The following CPQ variants were observed in gnomAD, a reference collection of about 807,000 sequenced individuals.
CPQ encodes Ser-Met dipeptidase.
Under a neutral mutation model 45.7 loss-of-function variants are expected in CPQ, and 37 were observed. The ratio of observed to expected loss-of-function variants is 0.81; its 90% CI spans 0.62 to 1.07. The LOEUF is 1.07. CPQ is among the 50% of genes least tolerant of loss of function. The pLI, the probability that CPQ is intolerant of heterozygous loss-of-function variation, is 0.00. For missense variants in CPQ, 537 were observed against 572.9 expected, an observed-to-expected ratio of 0.94 and a Z score of 0.64; for synonymous variants, 186 against 205.8, an observed-to-expected ratio of 0.90 and a Z score of 0.82.
chr8:96,788,170 T>G (rs1368505375), intron 2 of CPQ, among the ~76,000 whole-genome samples: 1 of 151,740 alleles, frequency 6.6e-6, no homozygotes, highest in Non-Finnish European at 1.5e-5. Flanking sequence ...TTCCTTTTTT[T>G]TTTTTGAGAT....
intron 1 of CPQ, among the ~76,000 whole-genome samples, chr8:96,699,106 A>G (rs957052808): frequency 1.3e-5 from 2 of 152,232 alleles, no homozygotes; most frequent in African/African-American, 2.4e-5. Flanking sequence ...AGATGAATGG[A>G]TAAAGAAAAT....
At chr8:97,052,616 T>C (rs571390614) in intron 6 of CPQ, among the ~76,000 whole-genome samples, 39 of 152,282 alleles carry the variant, frequency 2.6e-4, no homozygotes, top group African/African-American at 8.2e-4. Flanking sequence ...CCAAGTTATT[T>C]TGGTGAGTCT....
chr8:96,660,963 C>A (rs954347225), intron 1 of CPQ, among the ~76,000 whole-genome samples: 1 of 152,040 alleles, frequency 6.6e-6, no homozygotes, highest in Non-Finnish European at 1.5e-5. Context: ...ATATGATAGT[C>A]ATTTGCCTTC....
intron 5 of CPQ, among the ~76,000 whole-genome samples, chr8:96,997,126 G>A (rs1809192547): frequency 6.6e-6 from 1 of 151,922 alleles, no homozygotes; most frequent in Admixed American, 6.6e-5. Context: ...TTCTCCCAGA[G>A]ATACCTCAAT....
intron 7 of CPQ, among the ~76,000 whole-genome samples, chr8:97,141,229 C>G (rs1310291590): frequency 6.6e-6 from 1 of 152,006 alleles, no homozygotes; most frequent in Non-Finnish European, 1.5e-5. Flanking sequence ...CATCAAAACA[C>G]ACACTAAACA....
intron 3 of CPQ, among the ~76,000 whole-genome samples, chr8:96,842,096 G>T (rs1019431617): frequency 2.6e-5 from 4 of 152,168 alleles, no homozygotes; most frequent in African/African-American, 9.7e-5. Flanking sequence ...AACACTCAGA[G>T]CAGAGGTGAA....
chr8:97,139,619 T>TA (rs1030910948), intron 7 of CPQ, among the ~76,000 whole-genome samples: 2 of 151,932 alleles, frequency 1.3e-5, no homozygotes, highest in African/African-American at 4.8e-5. Flanking sequence ...TTTTGAAAAT[T>TA]AAAAAAATGC....
At position 96,795,641 on chromosome 8, in the gene CPQ, G is replaced by A. The variant is rs565188078; in HGVS notation, c.433+10311G>A. 7.2e-5 allele frequency among the ~76,000 whole-genome samples: 11 copies of A among 152,140 alleles called. No homozygotes were observed. The South Asian group carries it at 2.3e-3, about 32-fold the overall frequency. The stretch of plus-strand genomic sequence containing the variant: ...TACTAGTAAATATCTTTTTAAATAA[G>A]TTTTAATGGCTACCAAATTTAAATA... On this transcript the variant is annotated intron_variant, in intron 2 of 7. Coordinates refer to ENST00000220763, the MANE Select transcript of CPQ (RefSeq NM_016134.4).
At chr8:96,657,113 G>A (rs1450983976) in intron 1 of CPQ, among the ~76,000 whole-genome samples, 2 of 152,006 alleles carry the variant, frequency 1.3e-5, no homozygotes, top group Non-Finnish European at 2.9e-5. Flanking sequence ...TTGGGAGGCC[G>A]AGGTGGGTGG....
At chr8:97,023,033 ATATATACAG>A (rs1399444632) in intron 5 of CPQ, among the ~76,000 whole-genome samples, 64 of 145,674 alleles carry the variant, frequency 4.4e-4, no homozygotes, top group Admixed American at 6.2e-4. Flanking sequence ...TATATACAGT[ATATATACAG>A]TATATATACT....
chr8:97,046,179 C>T (rs917325943), intron 6 of CPQ, among the ~76,000 whole-genome samples: 1 of 152,004 alleles, frequency 6.6e-6, no homozygotes, highest in African/African-American at 2.4e-5. Context: ...AATTGGGTCA[C>T]ATCTGTATTT....
chr8:96,707,189 G>A (rs1809541213), intron 1 of CPQ, among the ~76,000 whole-genome samples: 1 of 152,072 alleles, frequency 6.6e-6, no homozygotes, highest in African/African-American at 2.4e-5. Context: ...GATCACTGTT[G>A]CTTAGTAGGA....
At chr8:97,046,953 A>G (rs1260519359) in intron 6 of CPQ, among the ~76,000 whole-genome samples, 1 of 152,154 alleles carries the variant, frequency 6.6e-6, no homozygotes, top group African/African-American at 2.4e-5. Flanking sequence ...CGTAAGGAAA[A>G]GTAATTTGTT....
intron 5 of CPQ, among the ~76,000 whole-genome samples, chr8:97,002,993 G>T (rs1443509657): frequency 6.6e-6 from 1 of 152,108 alleles, no homozygotes; most frequent in Non-Finnish European, 1.5e-5. Context: ...TTGTTGTACT[G>T]AACAATTTAC....
At chr8:96,786,971 G>T (rs1428523821) in intron 2 of CPQ, among the ~76,000 whole-genome samples, 1 of 151,892 alleles carries the variant, frequency 6.6e-6, no homozygotes, top group Non-Finnish European at 1.5e-5. Context: ...CCATTCTGAG[G>T]ACTGTCTTTT....
chr8:96,647,464 G>C (rs950850628), intron 1 of CPQ, among the ~76,000 whole-genome samples: 1 of 152,106 alleles, frequency 6.6e-6, no homozygotes, highest in African/African-American at 2.4e-5. Context: ...ATATCTAAGA[G>C]CTAGATACTA....
intron 6 of CPQ, among the ~76,000 whole-genome samples, chr8:97,063,661 G>A (rs909337839): frequency 6.6e-6 from 1 of 151,952 alleles, no homozygotes; most frequent in Non-Finnish European, 1.5e-5. Context: ...TAAAGAAGGG[G>A]TCAAGTTTCA....
chr8:96,825,468 T>C (rs1811367895), intron 2 of CPQ, among the ~76,000 whole-genome samples: 4 of 152,002 alleles, frequency 2.6e-5, no homozygotes, highest in African/African-American at 9.7e-5. Context: ...TGTGCCTCCA[T>C]TTTGTCACCT....
At position 96,923,170 on chromosome 8, in the gene CPQ, G is replaced by T. The variant is rs566813392; in HGVS notation, c.850-42765G>T. Among the ~76,000 whole-genome samples the T allele has an allele frequency of 5.9e-5, 9 of 152,246 alleles. No individual in the cohort carries two copies. The South Asian group carries it at 1.9e-3, about 32-fold the overall frequency. ...GCCAGGAGTCAGTAGAAGATAGTAG[G>T]CTACAAACCATTTGACTATACCTCT... On this transcript the variant is annotated intron_variant, in intron 4 of 7. Coordinates refer to ENST00000220763, the MANE Select transcript of CPQ (RefSeq NM_016134.4).
Sources: allele counts gnomAD v4.1 joint callset (sites outside exome capture counted in the v4.1 genomes callset), GRCh38; gene constraint gnomAD v4.1.1; transcripts MANE v1.5; gene names NCBI Gene and HGNC (gene_info 2026-07-23, HGNC 2026-07-21).